Variants in TPST2 observed in about 807,000 individuals in gnomAD.
The protein encoded by TPST2 is tyrosylprotein sulfotransferase 2.
A neutral mutation model predicts 27.8 loss-of-function variants in TPST2; 16 were observed. That is an observed-to-expected ratio of 0.58 (90% confidence interval 0.39 to 0.88). The LOEUF (loss-of-function observed/expected upper bound fraction) is 0.88. TPST2 is among the 40% of genes least tolerant of loss of function. The pLI is 0.00. For synonymous variants in TPST2, 229 were observed against 231.7 expected (o/e 0.99, Z 0.10); for missense variants, 464 against 543.1 (o/e 0.85, Z 1.45).
intron 1 of TPST2, among the ~76,000 whole-genome samples, chr22:26,552,517 C>A (rs1442150389): frequency 6.6e-6 from 1 of 152,058 alleles, no homozygotes; most frequent in Non-Finnish European, 1.5e-5. Context: ...GTTTCCCCAA[C>A]TTTCGACGAC....
intron 1 of TPST2, among the ~76,000 whole-genome samples, chr22:26,555,831 G>A (rs1432649741): frequency 6.6e-6 from 1 of 152,238 alleles, no homozygotes; most frequent in Non-Finnish European, 1.5e-5. Flanking sequence ...CGGCAACCCT[G>A]TGGGGGAGAC....
Position 26,528,224 on chromosome 22 carries a change from C to T in TPST2, c.1131G>A (p.Ser377=), listed in dbSNP as rs1308628948. 2.1e-5 allele frequency: 33 copies of T among 1,563,580 alleles called. No individual in the cohort carries two copies. The highest frequency in any genetic ancestry group is 2.7e-5 in the African/African-American group (2 of 73,898). The change falls in exon 6 of 7, where the codon TCG becomes TCA. Residue 377 remains serine, a synonymous_variant. Transcript: ENST00000338754. ...AGTCCACAGGCTTACCTGGAAATCA[C>T]GAGCTTCCTAAGTGGGAGGAGGTGC... ...QNSTSSHLGS[S]
At chr22:26,575,233 T>G (rs1927784269) in intron 1 of TPST2, among the ~76,000 whole-genome samples, 2 of 152,058 alleles carry the variant, frequency 1.3e-5, no homozygotes, top group African/African-American at 4.8e-5. Context: ...CTTAGCAGAG[T>G]ACCTGACACA....
At chr22:26,579,969 G>A (rs1421623658) in intron 1 of TPST2, among the ~76,000 whole-genome samples, 1 of 152,116 alleles carries the variant, frequency 6.6e-6, no homozygotes, top group Non-Finnish European at 1.5e-5. Flanking sequence ...GACAAGTTGG[G>A]TACAGAGGCT....
intron 1 of TPST2, among the ~76,000 whole-genome samples, chr22:26,584,505 G>C (rs1365429288): frequency 6.6e-6 from 1 of 152,150 alleles, no homozygotes; most frequent in Admixed American, 6.6e-5. Context: ...TGAGAATTCA[G>C]AGTGTAGAGT....
At chr22:26,572,613 C>G (rs574495105) in intron 1 of TPST2, among the ~76,000 whole-genome samples, 61 of 152,212 alleles carry the variant, frequency 4.0e-4, no homozygotes, top group Non-Finnish European at 7.4e-4. Flanking sequence ...CTTCAGGAAG[C>G]CTTCCCTGAA....
At chr22:26,566,494 A>G (rs1376224510) in intron 1 of TPST2, among the ~76,000 whole-genome samples, 1 of 152,144 alleles carries the variant, frequency 6.6e-6, no homozygotes, top group Non-Finnish European at 1.5e-5. Flanking sequence ...CAGAGGTTGC[A>G]GTAAGCTGAG....
Position 26,541,622 on chromosome 22 carries a change from C to T in TPST2, c.9G>A (p.Leu3=). ...CTGCCAGCAGCACCCTCCGCACCGA[C>T]AGGCGCATGCTGGGCCGGAGGCAGG... MR[L]SVRRVLLAAG... is the part of the protein sequence containing the mutation. The change falls in exon 3 of 7, where the codon CTG becomes CTA. Residue 3 remains leucine, a synonymous_variant. Coordinates refer to ENST00000338754, the MANE Select transcript of TPST2 (RefSeq NM_003595.5). The surrounding 1 kb of genome is among the most constrained non-coding windows in gnomAD (Gnocchi z 5.9). 2 of 1,576,094 alleles carry T rather than the reference C, an allele frequency of 1.3e-6. No homozygotes were observed. Among genetic ancestry groups the T allele is most frequent in the Middle Eastern group, 3.4e-4 (2 of 5,800 alleles).
intron 5 of TPST2, among the ~76,000 whole-genome samples, chr22:26,529,218 C>T (rs1925015983): frequency 6.6e-6 from 1 of 152,076 alleles, no homozygotes. Context: ...CCTCCGCGTC[C>T]TGAGCTCAAG....
Position 26,540,817 on chromosome 22 carries a change from C to T in TPST2, c.814G>A (p.Gly272Ser), listed in dbSNP as rs374069142. The T allele has an allele frequency of 6.2e-7, 1 of 1,605,376 alleles. No homozygotes were observed. The highest frequency in any genetic ancestry group is 8.5e-7 in the Non-Finnish European group (1 of 1,174,346). Residue 272 changes from glycine (G) to serine (S), a missense_variant, in exon 3 of 7, where the codon GGC becomes AGC. By Grantham distance (56) the Gly-to-Ser change is moderately conservative. Transcript: ENST00000338754. ...DAVLHHEDLI[G>S]KPGGVSLSKI... The stretch of plus-strand genomic sequence containing the variant: ...GACAGGGAGACACCACCGGGCTTGC[C>T]AATGAGGTCTTCATGGTGGAGGACA...
chr22:26,578,322 CA>C (rs371961275), intron 1 of TPST2, among the ~76,000 whole-genome samples: 92 of 152,306 alleles, frequency 6.0e-4, no homozygotes, highest in African/African-American at 1.9e-3. Flanking sequence ...CCCCAGCTCT[CA>C]ACGTGGGTTC....
chr22:26,583,819 G>A (rs1208599459), intron 1 of TPST2, among the ~76,000 whole-genome samples: 2 of 152,004 alleles, frequency 1.3e-5, no homozygotes, highest in African/African-American at 2.4e-5. Flanking sequence ...CAGCCTGGGC[G>A]ACAAGAGCGA....
At chr22:26,558,989 C>G (rs1249280096) in intron 1 of TPST2, among the ~76,000 whole-genome samples, 1 of 152,204 alleles carries the variant, frequency 6.6e-6, no homozygotes, top group Non-Finnish European at 1.5e-5. Context: ...TGTTGTTTTT[C>G]ATGGATATTT....
intron 1 of TPST2, among the ~76,000 whole-genome samples, chr22:26,585,165 G>T (rs1253503378): frequency 6.6e-6 from 1 of 152,200 alleles, no homozygotes; most frequent in African/African-American, 2.4e-5. Context: ...GTGCCCCCTA[G>T]CTCCCTATCA....
At chr22:26,551,883 CTTTTTT>C (rs1163793644) in intron 1 of TPST2, among the ~76,000 whole-genome samples, 2 of 66,426 alleles carry the variant, frequency 3.0e-5, no homozygotes, top group South Asian at 4.7e-4. Context: ...TTTTCTTTTT[CTTTTTT>C]TTTTTTTTTT....
At chr22:26,568,137 C>T (rs1295118820) in intron 1 of TPST2, among the ~76,000 whole-genome samples, 2 of 152,194 alleles carry the variant, frequency 1.3e-5, no homozygotes, top group African/African-American at 4.8e-5. Context: ...ATCGTAATTG[C>T]CCCCAACTGG....
chr22:26,558,431 G>A (rs1292505472), intron 1 of TPST2, among the ~76,000 whole-genome samples: 3 of 152,302 alleles, frequency 2.0e-5, no homozygotes, highest in East Asian at 1.9e-4. Context: ...ATGAGCCACT[G>A]TGCTTGGCCT....
chr22:26,533,086 G>GT (rs1925258397), intron 4 of TPST2, among the ~76,000 whole-genome samples: 1 of 152,168 alleles, frequency 6.6e-6, no homozygotes, highest in Non-Finnish European at 1.5e-5. Flanking sequence ...GGGATTAGGA[G>GT]TAACCAGGGG....
rs760824956 is a variant in TPST2, at chr22:26,536,503, C to T, written c.843-17G>A. On this transcript the variant is annotated splice_polypyrimidine_tract_variant and intron_variant, in intron 3 of 6. Transcript: ENST00000338754. ...CGCTCGATCCTGGGGAGAGAGGAGACGCTGGAGAGGGTAGGGCAGACCCAG... is the reference window on the plus strand; with the variant it reads ...CGCTCGATCCTGGGGAGAGAGGAGATGCTGGAGAGGGTAGGGCAGACCCAG... 20 of 1,504,730 alleles carry T rather than the reference C, an allele frequency of 1.3e-5. No individual in the cohort carries two copies. Among genetic ancestry groups the T allele is most frequent in the African/African-American group, 1.1e-4 (8 of 71,466 alleles). The allele number at this position is 1,504,730 out of a possible 1,614,324, so 93.2% of individuals were successfully genotyped here. A position where few individuals can be genotyped will look rare whatever the true frequency, so the allele number is the denominator to read the frequency against.
Sources: gnomAD v4.1 joint callset for allele counts (sites outside exome capture counted in the v4.1 genomes callset) on GRCh38, gnomAD v4.1.1 for gene constraint, Gnocchi (gnomAD v3.1) non-coding constraint, MANE v1.5 for transcripts, NCBI Gene and HGNC (gene_info 2026-07-23, HGNC 2026-07-21) for gene names.